The following RTN4 variants were observed in gnomAD, a reference collection of about 807,000 sequenced individuals.
RTN4 encodes the protein reticulon-4.
RTN4 carries 32 observed loss-of-function variants against 90.4 expected under a neutral mutation model. The observed-to-expected ratio is 0.35, with a 90% CI of 0.27 to 0.48. The LOEUF is 0.48. RTN4 is among the 20% of genes least tolerant of loss of function. RTN4 has a pLI of 0.99. For synonymous variants in RTN4, 629 were observed against 552.5 expected, an observed-to-expected ratio of 1.14 and a Z score of -1.94; for missense variants, 1,706 against 1,430.2, an observed-to-expected ratio of 1.19 and a Z score of -3.11.
At chr2:55,010,698 G>C (rs1011096872) in intron 3 of RTN4, among the ~76,000 whole-genome samples, 4 of 152,134 alleles carry the variant, frequency 2.6e-5, no homozygotes, top group African/African-American at 9.7e-5. Context: ...AGTTCATTAA[G>C]ACGTAAAACA....
At chr2:54,981,837 C>A (rs1406649173) in intron 5 of RTN4, among the ~76,000 whole-genome samples, 1 of 62,076 alleles carries the variant, frequency 1.6e-5, no homozygotes, top group East Asian at 6.3e-4. Flanking sequence ...GACTGTAAAG[C>A]AAAGTCAGAA....
At chr2:55,102,942 A>G (rs1378039904) in intron 1 of RTN4, among the ~76,000 whole-genome samples, 2 of 151,818 alleles carry the variant, frequency 1.3e-5, no homozygotes, top group East Asian at 3.9e-4. Context: ...AATGTGGAGA[A>G]ACCCCGTCTC....
At chr2:55,070,509 G>A (rs1668487435) in intron 2 of RTN4, among the ~76,000 whole-genome samples, 1 of 133,166 alleles carries the variant, frequency 7.5e-6, no homozygotes, top group South Asian at 2.4e-4. Context: ...TCATGCCATT[G>A]CACTCCAGCC....
At position 54,972,415 on chromosome 2, in the gene RTN4, AAAT is replaced by A. The variant is rs1402604000; in HGVS notation, c.*738_*740del. 7.6e-6 allele frequency: 1 copy of A among 130,992 alleles called. No individual in the cohort carries two copies. Among genetic ancestry groups the A allele is most frequent in the Non-Finnish European group, 1.8e-5 (1 of 55,852 alleles). 8.1% of individuals were successfully genotyped at this position (130,992 alleles called of 1,614,324 possible). The stretch of plus-strand genomic sequence containing the variant: ...TTAACTACAGTCAGTCTGTGCAATG[AAAT>A]TGATGTTGGAGTTCTATGTGTGTGG... On this transcript the variant is annotated 3_prime_UTR_variant, in exon 9 of 9. Coordinates refer to ENST00000337526, the MANE Select transcript of RTN4 (RefSeq NM_020532.5).
At chr2:54,994,567 T>C (rs189139573) in intron 3 of RTN4, among the ~76,000 whole-genome samples, 7 of 152,134 alleles carry the variant, frequency 4.6e-5, no homozygotes, top group African/African-American at 7.2e-5. Context: ...AGGAACAAAA[T>C]GGAACATTAT....
chr2:55,061,506 C>A (rs1668291415), intron 2 of RTN4, among the ~76,000 whole-genome samples: 1 of 152,224 alleles, frequency 6.6e-6, no homozygotes, highest in African/African-American at 2.4e-5. Flanking sequence ...CAGGATCCAA[C>A]TGAGGACCAC....
At chr2:55,038,766 A>C (rs1225614869) in intron 1 of RTN4, among the ~76,000 whole-genome samples, 1 of 152,236 alleles carries the variant, frequency 6.6e-6, no homozygotes, top group Non-Finnish European at 1.5e-5. Context: ...TATTTACCTA[A>C]GAGAAATGAA....
Position 55,025,939 on chromosome 2 carries a change from T to C in RTN4, c.2160A>G (p.Glu720=). The change falls in exon 3 of 9, where the codon GAA becomes GAG. Residue 720 remains glutamate (E), a synonymous_variant. Coordinates refer to ENST00000337526, the MANE Select transcript of RTN4 (RefSeq NM_020532.5). ...EPAPDFSDYS[E]MAKVEQPVPD... is the part of the protein sequence containing the mutation. The stretch of plus-strand genomic sequence containing the variant: ...GCACTGGCTGTTCAACTTTTGCCAT[T>C]TCTGAATAATCAGAGAAATCCGGAG... 1 of 1,612,906 alleles carries C rather than the reference T, an allele frequency of 6.2e-7. No homozygotes were observed. Among genetic ancestry groups the C allele is most frequent in the South Asian group, 1.1e-5 (1 of 90,822 alleles).
At chr2:55,096,521 CAGTCTCAAGTCTA>C (rs1367876636) in intron 1 of RTN4, among the ~76,000 whole-genome samples, 1 of 152,172 alleles carries the variant, frequency 6.6e-6, no homozygotes, top group Non-Finnish European at 1.5e-5. Context: ...ATTATCTCCA[CAGTCTCAAGTCTA>C]AGTTCCCAGA....
At chr2:55,105,534 T>C (rs1029200503) in intron 1 of RTN4, among the ~76,000 whole-genome samples, 1 of 152,100 alleles carries the variant, frequency 6.6e-6, no homozygotes, top group Non-Finnish European at 1.5e-5. Flanking sequence ...TGGCTGAGAT[T>C]GTTTTTCTAA....
chr2:55,102,832 A>G (rs1667875804), intron 1 of RTN4, among the ~76,000 whole-genome samples: 1 of 152,160 alleles, frequency 6.6e-6, no homozygotes, highest in Admixed American at 6.6e-5. Flanking sequence ...AGAAGTTACT[A>G]TCGTGGCCGG....
the RTN4 span, among the ~76,000 whole-genome samples, chr2:55,122,812 G>C: frequency 2.0e-5 from 3 of 152,238 alleles, no homozygotes; most frequent in Non-Finnish European, 2.9e-5. Context: ...CCCATCCCCA[G>C]AGCCTGTCCC....
At chr2:55,084,760 C>G (rs1446847881) in intron 1 of RTN4, among the ~76,000 whole-genome samples, 1 of 152,076 alleles carries the variant, frequency 6.6e-6, no homozygotes, top group Non-Finnish European at 1.5e-5. Context: ...GGCCAAAACT[C>G]ACACATTTTG....
At chr2:55,033,775 T>C (rs1370554262) in intron 1 of RTN4, among the ~76,000 whole-genome samples, 1 of 152,254 alleles carries the variant, frequency 6.6e-6, no homozygotes, top group Non-Finnish European at 1.5e-5. Context: ...TTGTTTTATA[T>C]TTTGGTAGTA....
chr2:54,978,050 G>C (rs540710063), intron 5 of RTN4, among the ~76,000 whole-genome samples: 1 of 152,262 alleles, frequency 6.6e-6, no homozygotes, highest in South Asian at 2.1e-4. Context: ...CCGCCAAAAG[G>C]CAATAAGCAA....
At chr2:55,004,525 G>T (rs1228712524) in intron 3 of RTN4, among the ~76,000 whole-genome samples, 5 of 152,168 alleles carry the variant, frequency 3.3e-5, no homozygotes, top group Admixed American at 6.6e-5. Context: ...TGAATCTACA[G>T]AAGTTCCTTC....
At chr2:55,112,150 A>G (rs571800755) in intron 1 of RTN4, among the ~76,000 whole-genome samples, 1 of 152,304 alleles carries the variant, frequency 6.6e-6, no homozygotes, top group South Asian at 2.1e-4. Context: ...GTTCAGGACT[A>G]TATGAGGCCT....
chr2:55,110,717 C>G (rs571005197), intron 1 of RTN4, among the ~76,000 whole-genome samples: 1 of 152,058 alleles, frequency 6.6e-6, no homozygotes, highest in East Asian at 1.9e-4. Flanking sequence ...GAAAGCCAAC[C>G]TCAAATCAGG....
the RTN4 span, among the ~76,000 whole-genome samples, chr2:55,121,885 CT>C: frequency 6.6e-6 from 1 of 151,966 alleles, no homozygotes; most frequent in East Asian, 1.9e-4. Context: ...CTATATTTAA[CT>C]TTTTTTCTGA....
Sources: allele counts gnomAD v4.1 joint callset (sites outside exome capture counted in the v4.1 genomes callset), GRCh38; gene constraint gnomAD v4.1.1; transcripts MANE v1.5; gene names NCBI Gene and HGNC (gene_info 2026-07-23, HGNC 2026-07-21).